Variants in WFS1 observed in about 807,000 individuals in gnomAD.
WFS1 encodes the protein wolframin ER transmembrane glycoprotein, also known as wolframin.
Under a neutral mutation model 68.5 loss-of-function variants are expected in WFS1, and 90 were observed. That is an observed-to-expected ratio of 1.31 (90% confidence interval 1.11 to 1.56). The LOEUF is 1.56. WFS1 is among the 40% of genes most tolerant of loss of function. The probability of loss-of-function intolerance (pLI) is 0.00; values close to 1 mark genes in which losing one functional copy is unlikely to be tolerated. For synonymous variants in WFS1, 860 were observed against 540.7 expected, an observed-to-expected ratio of 1.59 and a Z score of -8.19; for missense variants, 1,767 against 1,232.6, an observed-to-expected ratio of 1.43 and a Z score of -6.49.
intron 5 of WFS1, 116 bp from the exon 6 acceptor site, chr4:6,291,801 G>A (rs746431469): frequency 4.1e-5 from 46 of 1,130,010 alleles, no homozygotes; most frequent in Admixed American, 6.0e-5. Context: ...TCCCCAGAAC[G>A]TAGGATGCCC....
rs116320850 is a variant in WFS1, at chr4:6,281,603, T to C, written c.232+3916T>C. On this transcript the variant is annotated intron_variant, in intron 2 of 7. Coordinates refer to ENST00000226760, the MANE Select transcript of WFS1 (RefSeq NM_006005.3). The stretch of plus-strand genomic sequence containing the variant: ...TGGACGGTGGTGGCACAGCCTGAGG[T>C]AGGGTCCTGGGGGTGGTTCCCGGCG... Among the ~76,000 whole-genome samples the C allele has an allele frequency of 2.4e-3, 368 of 151,970 alleles. 1 individual carries two copies. The highest frequency in any genetic ancestry group is 8.5e-3 in the African/African-American group (354 of 41,444).
Position 6,301,037 on chromosome 4 carries a change from C to T in WFS1, c.1242C>T (p.Phe414=), listed in dbSNP as rs376646736. The T allele has an allele frequency of 2.2e-5, 36 of 1,613,872 alleles. No homozygotes were observed. The highest frequency in any genetic ancestry group is 2.0e-4 in the East Asian group (9 of 44,884). ...PYAHFLLSVF[F]VIFSFPIASK... ...CCCATTTCCTGCTCTCTGTCTTCTT[C>T]GTCATCTTCTCCTTCCCCATCGCCA... is the stretch of plus-strand genomic sequence containing the variant. Residue 414 remains phenylalanine (F), a synonymous_variant, in exon 8 of 8, where the codon TTC becomes TTT. Coordinates refer to ENST00000226760, the MANE Select transcript of WFS1 (RefSeq NM_006005.3).
chr4:6,277,468 A>C lies in WFS1; in HGVS notation c.13A>C (p.Thr5Pro), dbSNP rs1730027601. 3 of 1,555,330 alleles carry C rather than the reference A, an allele frequency of 1.9e-6. No individual in the cohort carries two copies. In the South Asian group the frequency reaches 3.6e-5, roughly 18 times the overall value. The change falls in exon 2 of 8, where the codon ACT becomes CCT. Residue 5 changes from threonine to proline, a missense_variant. Transcript: ENST00000226760. The stretch of plus-strand genomic sequence containing the variant: ...TCTTCCAGGCAGGATGGACTCCAAC[A>C]CTGCTCCGCTGGGCCCCTCCTGCCC... MDSN[T>P]APLGPSCPQP...
intron 6 of WFS1, among the ~76,000 whole-genome samples, chr4:6,294,288 G>A (rs1281385955): frequency 6.6e-6 from 1 of 152,124 alleles, no homozygotes; most frequent in African/African-American, 2.4e-5. Context: ...GGATCATGTT[G>A]GATAGAGGGG....
Position 6,302,008 on chromosome 4 carries a change from C to A in WFS1, c.2213C>A (p.Ala738Asp), listed in dbSNP as rs756962408. Residue 738 changes from alanine to aspartate, a missense_variant, in exon 8 of 8, where the codon GCC becomes GAC. Transcript: ENST00000226760. ...GDWMRCLYGEAYPACSPGNTS... is the reference protein window; with the variant it reads ...GDWMRCLYGEDYPACSPGNTS... ...TGGATGCGCTGCCTCTACGGCGAGG[C>A]CTACCCTGCCTGCAGCCCTGGCAAC... The A allele has an allele frequency of 1.2e-4, 194 of 1,612,572 alleles. No homozygotes were observed. The highest frequency in any genetic ancestry group is 1.6e-4 in the Non-Finnish European group (190 of 1,179,900).
chr4:6,292,124 A>C, intron 6 of WFS1, 127 bp downstream of exon 6: 1 of 978,862 alleles, frequency 1.0e-6, no homozygotes, highest in South Asian at 1.4e-5. Context: ...CTGCGCCTGC[A>C]GGGCGACCTC....
At chr4:6,292,517 C>A (rs898999449) in intron 6 of WFS1, among the ~76,000 whole-genome samples, 2 of 152,080 alleles carry the variant, frequency 1.3e-5, no homozygotes, top group Non-Finnish European at 2.9e-5. Context: ...CTCTGGGGCA[C>A]ACTGAGCTGG....
intron 2 of WFS1, among the ~76,000 whole-genome samples, chr4:6,285,898 G>A (rs941634163): frequency 1.3e-5 from 2 of 152,214 alleles, no homozygotes; most frequent in East Asian, 1.9e-4. Flanking sequence ...TGATGCTTTT[G>A]TAAATTCAGG....
In WFS1 at chr4:6,291,091, C is replaced by G. The variant is rs5018648; in HGVS notation, c.461-106C>G. 781,821 of 1,293,360 alleles carry G rather than the reference C, an allele frequency of 0.6. 241,052 individuals carry two copies. Among genetic ancestry groups the G allele is most frequent in the East Asian group, 0.96 (40,270 of 41,942 alleles). The allele number at this position is 1,293,360 out of a possible 1,614,324, so 80.1% of individuals were successfully genotyped here. On this transcript the variant is annotated intron_variant, in intron 4 of 7. Transcript: ENST00000226760. ...CCTGGTAACCAAGTCCTGACACCTT[C>G]TATGAGTCTCGCTCGAAAGCCTTCC... is the stretch of plus-strand genomic sequence containing the variant.
intron 7 of WFS1, among the ~76,000 whole-genome samples, chr4:6,298,226 T>C (rs1261438255): frequency 6.6e-6 from 1 of 152,226 alleles, no homozygotes; most frequent in East Asian, 1.9e-4. Flanking sequence ...CTGACGCACA[T>C]GTTGACTCGT....
At chr4:6,270,352 C>T (rs1475525658) in intron 1 of WFS1, among the ~76,000 whole-genome samples, 3 of 151,344 alleles carry the variant, frequency 2.0e-5, no homozygotes, top group Non-Finnish European at 3.0e-5. Flanking sequence ...CCGCGCCCCG[C>T]GCCATCCCCC....
chr4:6,280,646 G>A (rs919515479), intron 2 of WFS1, among the ~76,000 whole-genome samples: 10 of 152,182 alleles, frequency 6.6e-5, no homozygotes, highest in African/African-American at 1.9e-4. Flanking sequence ...CTGTGTCATC[G>A]TCTCAGCTTC....
At chr4:6,290,972 C>G (rs1353830055) in intron 4 of WFS1, among the ~76,000 whole-genome samples, 2 of 152,208 alleles carry the variant, frequency 1.3e-5, no homozygotes, top group Non-Finnish European at 2.9e-5. Context: ...GTAGGGGGCA[C>G]TTGGGGGCGT....
chr4:6,298,612 C>A (rs751367152), intron 7 of WFS1, among the ~76,000 whole-genome samples: 48 of 152,062 alleles, frequency 3.2e-4, no homozygotes, highest in Non-Finnish European at 6.3e-4. Context: ...TGAGCCTGTC[C>A]TTCTCATCTG....
chr4:6,289,067 C>G lies in WFS1; in HGVS notation c.396C>G (p.Leu132=), dbSNP rs369759802. ...GCACCGCTGTGGACTGGCTGGTCCT[C>G]GCCGCGAAGCAGGGCCGTCGCGAGG... ...NSCTAVDWLV[L]AAKQGRREAV... The change falls in exon 4 of 8, where the codon CTC becomes CTG. Residue 132 remains leucine, a synonymous_variant. Coordinates refer to ENST00000226760, the MANE Select transcript of WFS1 (RefSeq NM_006005.3). 1 of 1,592,568 alleles carries G rather than the reference C, an allele frequency of 6.3e-7. No individual in the cohort carries two copies. Among genetic ancestry groups the G allele is most frequent in the Non-Finnish European group, 8.5e-7 (1 of 1,170,448 alleles).
intron 2 of WFS1, among the ~76,000 whole-genome samples, chr4:6,279,790 G>C (rs931937380): frequency 6.6e-6 from 1 of 152,232 alleles, no homozygotes; most frequent in African/African-American, 2.4e-5. Context: ...AGGAGGCATC[G>C]TCGGAGCCCC....
intron 1 of WFS1, among the ~76,000 whole-genome samples, chr4:6,271,580 C>A (rs190656454): frequency 1.3e-5 from 2 of 152,196 alleles, no homozygotes. Context: ...TTCCCTACTT[C>A]CGGAAGTGGT....
At chr4:6,276,399 G>A (rs1328617898) in intron 1 of WFS1, among the ~76,000 whole-genome samples, 3 of 152,204 alleles carry the variant, frequency 2.0e-5, no homozygotes, top group Non-Finnish European at 2.9e-5. Flanking sequence ...TTGCTCCGGC[G>A]TGACACGGGT....
At chr4:6,294,938 C>T in intron 6 of WFS1, 103 bp from the exon 7 acceptor site, 4 of 1,589,920 alleles carry the variant, frequency 2.5e-6, no homozygotes, top group Non-Finnish European at 3.4e-6. Context: ...CAGCTCCTTT[C>T]TTAGCTTGGC....
Sources: gnomAD v4.1 joint callset for allele counts (sites outside exome capture counted in the v4.1 genomes callset) on GRCh38, gnomAD v4.1.1 for gene constraint, MANE v1.5 for transcripts, NCBI Gene and HGNC (gene_info 2026-07-23, HGNC 2026-07-21) for gene names.